Variants in PTPN1 observed in about 807,000 individuals in gnomAD.
The protein encoded by PTPN1 is tyrosine-protein phosphatase non-receptor type 1.
A neutral mutation model predicts 59.9 loss-of-function variants in PTPN1; 12 were observed. That is an observed-to-expected ratio of 0.20 (90% CI 0.13 to 0.32). The LOEUF (loss-of-function observed/expected upper bound fraction) is 0.32, where lower values mean the gene tolerates loss of function less well. Ranked by LOEUF, PTPN1 falls within the 10% of genes least tolerant of loss-of-function variation. The pLI is 1.00. For synonymous variants in PTPN1, 178 were observed against 203.6 expected (o/e 0.87, Z 1.07); for missense variants, 356 against 549.2 (o/e 0.65, Z 3.52).
intron 1 of PTPN1, among the ~76,000 whole-genome samples, chr20:50,531,463 GC>G (rs2082600740): frequency 2.0e-5 from 3 of 151,958 alleles, no homozygotes; most frequent in Non-Finnish European, 4.4e-5. Context: ...TGCAACCTCC[GC>G]CTCCCGAGTT....
intron 1 of PTPN1, among the ~76,000 whole-genome samples, chr20:50,554,815 G>A (rs191302906): frequency 6.6e-6 from 1 of 152,080 alleles, no homozygotes; most frequent in Non-Finnish European, 1.5e-5. Flanking sequence ...TATGGCTAAT[G>A]TGCCAATGGT....
At chr20:50,531,932 G>T (rs1221118519) in intron 1 of PTPN1, among the ~76,000 whole-genome samples, 4 of 152,218 alleles carry the variant, frequency 2.6e-5, no homozygotes, top group African/African-American at 4.8e-5. Context: ...AGGGCATGTG[G>T]TGTTGGCTAC....
At chr20:50,556,866 ACCCGG>A (rs2082728120) in intron 1 of PTPN1, among the ~76,000 whole-genome samples, 1 of 152,146 alleles carries the variant, frequency 6.6e-6, no homozygotes, top group East Asian at 1.9e-4. Context: ...AATTGCTTCA[ACCCGG>A]GAGGCAGAGG....
At chr20:50,550,744 C>G (rs75318150) in intron 1 of PTPN1, among the ~76,000 whole-genome samples, 5 of 150,966 alleles carry the variant, frequency 3.3e-5, no homozygotes, top group Admixed American at 2.0e-4. Flanking sequence ...GGAGGGGACA[C>G]TAAGATGAGA....
intron 1 of PTPN1, among the ~76,000 whole-genome samples, chr20:50,557,047 G>GAGCA (rs2082729102): frequency 6.6e-6 from 1 of 152,112 alleles, no homozygotes; most frequent in African/African-American, 2.4e-5. Flanking sequence ...TGGGCAACAA[G>GAGCA]AGCAAAACCC....
chr20:50,578,591 T>C lies in PTPN1; in HGVS notation c.664T>C (p.Ser222Pro). The change falls in exon 6 of 10, where the codon TCT becomes CCT. Residue 222 changes from serine to proline, a missense_variant. By Grantham distance (74) the Ser-to-Pro change is moderately conservative. Coordinates refer to ENST00000371621, the MANE Select transcript of PTPN1 (RefSeq NM_002827.4). ...VVHCSAGIGR[S>P]GTFCLADTCL... ...GCACTGCAGTGCAGGCATCGGCAGG[T>C]CTGGAACCTTCTGTCTGGCTGATAC... 1 of 1,612,652 alleles carries C rather than the reference T, an allele frequency of 6.2e-7. No individual in the cohort carries two copies. Among genetic ancestry groups the C allele is most frequent in the Non-Finnish European group, 8.5e-7 (1 of 1,179,766 alleles).
At chr20:50,570,842 G>A (rs886971181) in intron 4 of PTPN1, 2 of 152,240 alleles carry the variant, frequency 1.3e-5, no homozygotes, top group Non-Finnish European at 2.9e-5. Flanking sequence ...ATGTGTTTCT[G>A]TCTAGACTCC....
chr20:50,516,494 AT>A (rs1238446094), intron 1 of PTPN1, among the ~76,000 whole-genome samples: 3 of 152,220 alleles, frequency 2.0e-5, no homozygotes, highest in Non-Finnish European at 4.4e-5. Flanking sequence ...CACAAATACA[AT>A]TTAATGTTCC....
chr20:50,519,371 A>T (rs1160065118), intron 1 of PTPN1, among the ~76,000 whole-genome samples: 2 of 152,226 alleles, frequency 1.3e-5, no homozygotes, highest in Non-Finnish European at 2.9e-5. Context: ...TTACCCATGA[A>T]TACATATTTG....
chr20:50,520,228 G>A (rs1056460810), intron 1 of PTPN1, among the ~76,000 whole-genome samples: 5 of 151,980 alleles, frequency 3.3e-5, no homozygotes, highest in Admixed American at 2.0e-4. Flanking sequence ...AAAATTAGCC[G>A]AGCGTGGTGG....
rs115019589 is a variant in PTPN1, at chr20:50,554,960, C to T, written c.64-6403C>T. 4.9e-3 allele frequency among the ~76,000 whole-genome samples: 745 copies of T among 152,102 alleles called. 5 individuals are homozygous for T. Among genetic ancestry groups the T allele is most frequent in the African/African-American group, 0.016 (663 of 41,514 alleles). On this transcript the variant is annotated intron_variant, in intron 1 of 9. Transcript: ENST00000371621. ...ATGGCAGATTTAAATCTAGCCATGT[C>T]AATAGTTATATTAAATGTAAATGTT...
rs140972381 is a variant in PTPN1, at chr20:50,565,794, A to G, written c.255+725A>G. On this transcript the variant is annotated intron_variant, in intron 3 of 9. Coordinates refer to ENST00000371621, the MANE Select transcript of PTPN1 (RefSeq NM_002827.4). ...CATCATAATTTTTGTTTCTCATTCC[A>G]TGTCAGCTTTCAGTCTTATATGGCT... is the stretch of plus-strand genomic sequence containing the variant. Among the ~76,000 whole-genome samples, 433 of 152,232 alleles carry G rather than the reference A, an allele frequency of 2.8e-3. 1 individual carries two copies. The highest frequency in any genetic ancestry group is 0.014 in the Middle Eastern group (4 of 294).
At chr20:50,557,732 C>A (rs1004429805) in intron 1 of PTPN1, 1 of 152,158 alleles carries the variant, frequency 6.6e-6, no homozygotes, top group African/African-American at 2.4e-5. Context: ...TGGCTCTTCG[C>A]GGGCATGATC....
chr20:50,541,017 G>A (rs1342456431), intron 1 of PTPN1, among the ~76,000 whole-genome samples: 1 of 152,288 alleles, frequency 6.6e-6, no homozygotes, highest in East Asian at 1.9e-4. Flanking sequence ...TTCTGTGTCA[G>A]ATAGAATGTA....
chr20:50,511,887 TGTA>T (rs2082509160), intron 1 of PTPN1, among the ~76,000 whole-genome samples: 2 of 152,242 alleles, frequency 1.3e-5, no homozygotes, highest in Admixed American at 1.3e-4. Context: ...ATCCATCAGC[TGTA>T]GTATTAAAAT....
chr20:50,529,870 T>A (rs965822226), intron 1 of PTPN1, among the ~76,000 whole-genome samples: 2 of 152,158 alleles, frequency 1.3e-5, no homozygotes, highest in Non-Finnish European at 2.9e-5. Flanking sequence ...TGATTTATTA[T>A]TATTATCATT....
At chr20:50,513,893 TAA>T (rs199717412) in intron 1 of PTPN1, among the ~76,000 whole-genome samples, 1 of 146,374 alleles carries the variant, frequency 6.8e-6, no homozygotes, top group Non-Finnish European at 1.5e-5. Flanking sequence ...TCACTTCACT[TAA>T]AAAAAAAAAG....
At position 50,564,934 on chromosome 20, in the gene PTPN1, C is replaced by T. The variant is rs117066605; in HGVS notation, c.155-35C>T. 2.7e-4 allele frequency: 441 copies of T among 1,611,022 alleles called. 1 individual carries two copies. The East Asian group carries it at 3.4e-3, about 12-fold the overall frequency. On this transcript the variant is annotated intron_variant, in intron 2 of 9. Transcript: ENST00000371621. ...CCTGTATGTACACATTCAGCTTTTC[C>T]GGGATTAACCTCTGAGTTCTGGTTT...
intron 1 of PTPN1, among the ~76,000 whole-genome samples, chr20:50,557,199 C>G (rs1488214725): frequency 1.3e-5 from 2 of 152,116 alleles, no homozygotes. Flanking sequence ...TATTTCTAAG[C>G]AAAATGTTTA....
Sources: gnomAD v4.1 joint callset for allele counts (sites outside exome capture counted in the v4.1 genomes callset) on GRCh38, gnomAD v4.1.1 for gene constraint, MANE v1.5 for transcripts, NCBI Gene and HGNC (gene_info 2026-07-23, HGNC 2026-07-21) for gene names.